The following TYW1B variants were observed in gnomAD, a reference collection of about 807,000 sequenced individuals.
TYW1B encodes tRNA-yW synthesizing protein 1 homolog B.
In TYW1B, 73 loss-of-function variants were observed where a neutral mutation model predicts 86.9. The observed-to-expected ratio is 0.84, with a 90% confidence interval of 0.70 to 1.02. TYW1B has a LOEUF of 1.02. TYW1B is among the 50% of genes least tolerant of loss of function. The pLI, the probability that TYW1B is intolerant of heterozygous loss-of-function variation, is 0.00. For missense variants in TYW1B, 637 were observed against 827.4 expected, an observed-to-expected ratio of 0.77 and a Z score of 2.82; for synonymous variants, 248 against 292.8, an observed-to-expected ratio of 0.85 and a Z score of 1.56.
chr7:72,799,743 G>A lies in TYW1B; in HGVS notation c.846+2657C>T, dbSNP rs571294385. Among the ~76,000 whole-genome samples, 10 of 152,194 alleles carry A rather than the reference G, an allele frequency of 6.6e-5. No homozygotes were observed. The South Asian group carries it at 2.1e-3, about 32-fold the overall frequency. ...ACCTCCCAAAGTGCTGGGATTACAG[G>A]CATGAGCCACCGCACCTGCAGGTCT... On this transcript the variant is annotated intron_variant, in intron 6 of 13. Transcript: ENST00000620995.
At chr7:72,752,189 C>G (rs1787512296) in intron 7 of TYW1B, among the ~76,000 whole-genome samples, 1 of 152,108 alleles carries the variant, frequency 6.6e-6, no homozygotes, top group Non-Finnish European at 1.5e-5. Flanking sequence ...GTCTCAGGCC[C>G]AGCAGGGATC....
intron 13 of TYW1B, among the ~76,000 whole-genome samples, chr7:72,587,169 G>A (rs370748709): frequency 2.6e-4 from 40 of 152,156 alleles, no homozygotes; most frequent in Admixed American, 1.3e-4. Flanking sequence ...TGTTAACTGC[G>A]TGGGAGTAGA....
chr7:72,743,074 T>G lies in TYW1B; in HGVS notation c.1082+1410A>C, dbSNP rs149240457. On this transcript the variant is annotated intron_variant, in intron 8 of 13. Coordinates refer to ENST00000620995, the MANE Select transcript of TYW1B (RefSeq NM_001145440.3). Reference sequence around the variant, plus strand: ...AATTCCATGATAAATACATTAAGCTTGAAATGACTGTGGATGATCCAAGAG... The same window carrying G: ...AATTCCATGATAAATACATTAAGCTGGAAATGACTGTGGATGATCCAAGAG... Among the ~76,000 whole-genome samples the G allele has an allele frequency of 2.2e-4, 34 of 152,250 alleles. 1 individual carries two copies. In the East Asian group the frequency reaches 5.8e-3, roughly 26 times the overall value.
At chr7:72,737,140 G>C (rs1787210766) in intron 8 of TYW1B, among the ~76,000 whole-genome samples, 1 of 152,178 alleles carries the variant, frequency 6.6e-6, no homozygotes, top group South Asian at 2.1e-4. Flanking sequence ...GAGAAACTGA[G>C]GCTCAGAGGC....
chr7:72,767,196 C>T (rs1226776123), intron 7 of TYW1B, among the ~76,000 whole-genome samples: 1 of 152,180 alleles, frequency 6.6e-6, no homozygotes, highest in Non-Finnish European at 1.5e-5. Context: ...CCAACGTCAT[C>T]TGCCCAGCAA....
intron 13 of TYW1B, among the ~76,000 whole-genome samples, chr7:72,607,871 C>G (rs185693182): frequency 6.6e-6 from 1 of 151,130 alleles, no homozygotes; most frequent in African/African-American, 2.4e-5. Context: ...TCCAAAACAA[C>G]AGACCCAAAG....
At chr7:72,609,329 T>G (rs1554435490) in intron 13 of TYW1B, among the ~76,000 whole-genome samples, 1 of 151,804 alleles carries the variant, frequency 6.6e-6, no homozygotes, top group Non-Finnish European at 1.5e-5. Context: ...GAGGCCGAGG[T>G]GGGAGGGCTG....
At chr7:72,735,818 T>C (rs1297043980) in intron 8 of TYW1B, among the ~76,000 whole-genome samples, 2 of 146,566 alleles carry the variant, frequency 1.4e-5, no homozygotes, top group South Asian at 2.2e-4. Context: ...TGCAGTGAGC[T>C]GAGATCAGGC....
chr7:72,615,441 T>C lies in TYW1B; in HGVS notation c.1785+1231A>G, dbSNP rs533331404. 2.0e-5 allele frequency among the ~76,000 whole-genome samples: 3 copies of C among 152,270 alleles called. No individual in the cohort carries two copies. The South Asian group carries it at 6.2e-4, about 32-fold the overall frequency. On this transcript the variant is annotated intron_variant, in intron 13 of 13. Transcript: ENST00000620995. ...ATTCCATACGGAAAAAGTGAGAGGG[T>C]TAAATCACATATCTAAAACACCTCA...
intron 13 of TYW1B, among the ~76,000 whole-genome samples, chr7:72,605,163 C>T (rs1554434567): frequency 2.0e-5 from 3 of 152,168 alleles, no homozygotes; most frequent in South Asian, 2.1e-4. Context: ...GACAATATCA[C>T]TGCACTGCAA....
In TYW1B at chr7:72,628,945, T is replaced by C. The variant is rs1812418899; in HGVS notation, c.1559A>G (p.Glu520Gly). Residue 520 changes from glutamate to glycine, a missense_variant, in exon 12 of 14, where the codon GAG becomes GGG. Glu to Gly is a moderately conservative substitution (Grantham distance 98, BLOSUM62 -2). Coordinates refer to ENST00000620995, the MANE Select transcript of TYW1B (RefSeq NM_001145440.3). ...LMLVKAWNVD[E>G]LQAYAQLVSL... ...CACGAGCTGCGCGTAGGCCTGGAGC[T>C]CGTCCACGTTCCATGCTTTCACGAG... 2 of 1,591,898 alleles carry C rather than the reference T, an allele frequency of 1.3e-6. No homozygotes were observed. Among genetic ancestry groups the C allele is most frequent in the Non-Finnish European group, 1.7e-6 (2 of 1,170,666 alleles).
At chr7:72,717,352 CT>C (rs1385435422) in intron 9 of TYW1B, among the ~76,000 whole-genome samples, 6 of 151,894 alleles carry the variant, frequency 4.0e-5, no homozygotes, top group Non-Finnish European at 7.4e-5. Flanking sequence ...CACTTAGTAC[CT>C]CCCCCACCAG....
At chr7:72,645,361 T>G (rs1228834160) in intron 11 of TYW1B, among the ~76,000 whole-genome samples, 1 of 152,140 alleles carries the variant, frequency 6.6e-6, no homozygotes, top group Admixed American at 6.5e-5. Context: ...TTATATGGCC[T>G]TGCGATTGTC....
In TYW1B at chr7:72,662,430, G is replaced by T. The variant is rs1439123964; in HGVS notation, c.1506+32257C>A. 1.4e-3 allele frequency among the ~76,000 whole-genome samples: 141 copies of T among 102,952 alleles called. 2 individuals are homozygous for T. The highest frequency in any genetic ancestry group is 0.013 in the East Asian group (45 of 3,358). The allele number at this position is 102,952 out of a possible 152,430, so 67.5% of individuals were successfully genotyped here. ...TTCAGGTTTTTAATATATATATATA[G>T]ATAGATAGATAGATAGATAGATAGA... On this transcript the variant is annotated intron_variant, in intron 11 of 13. Coordinates refer to ENST00000620995, the MANE Select transcript of TYW1B (RefSeq NM_001145440.3).
At chr7:72,670,927 C>G (rs1476263147) in intron 11 of TYW1B, among the ~76,000 whole-genome samples, 1 of 152,012 alleles carries the variant, frequency 6.6e-6, no homozygotes, top group Non-Finnish European at 1.5e-5. Context: ...TTATGATGGC[C>G]TCTTAGGTTT....
chr7:72,614,973 T>C (rs1241603626), intron 13 of TYW1B, among the ~76,000 whole-genome samples: 3 of 152,226 alleles, frequency 2.0e-5, no homozygotes, highest in Admixed American at 2.0e-4. Context: ...TCTCATTCAT[T>C]ACACTACAGA....
intron 13 of TYW1B, among the ~76,000 whole-genome samples, chr7:72,581,510 TGCAGTGGC>T (rs1308073478): frequency 1.3e-5 from 2 of 152,090 alleles, no homozygotes; most frequent in African/African-American, 4.8e-5. Flanking sequence ...CAGGCTGGAG[TGCAGTGGC>T]GCAATCTCGG....
chr7:72,604,484 A>G (rs1811749798), intron 13 of TYW1B, among the ~76,000 whole-genome samples: 1 of 152,020 alleles, frequency 6.6e-6, no homozygotes, highest in Non-Finnish European at 1.5e-5. Flanking sequence ...AATTTTTAAA[A>G]ATTTTACAGG....
chr7:72,745,634 G>A (rs782600321), intron 7 of TYW1B, among the ~76,000 whole-genome samples: 18 of 151,882 alleles, frequency 1.2e-4, no homozygotes, highest in Non-Finnish European at 1.9e-4. Context: ...ATGTCAGACA[G>A]GTAATGATGA....
Sources: gnomAD v4.1 joint callset for allele counts (sites outside exome capture counted in the v4.1 genomes callset) on GRCh38, gnomAD v4.1.1 for gene constraint, MANE v1.5 for transcripts, NCBI Gene and HGNC (gene_info 2026-07-23, HGNC 2026-07-21) for gene names.